Variants in ANXA8 observed in about 807,000 individuals in gnomAD.
ANXA8 encodes the protein VAC-beta.
Under a neutral mutation model 26.8 loss-of-function variants are expected in ANXA8, and 9 were observed. The observed-to-expected ratio is 0.34, with a 90% confidence interval of 0.20 to 0.59. The LOEUF (loss-of-function observed/expected upper bound fraction) is 0.59. ANXA8 is among the 20% of genes least tolerant of loss of function. ANXA8 has a pLI of 0.84. For synonymous variants in ANXA8, 39 were observed against 94.8 expected (o/e 0.41, Z 3.42); for missense variants, 83 against 238.5 (o/e 0.35, Z 4.29).
At chr10:47,563,594 A>C in the ANXA8 span, 8 of 880,742 alleles carry the variant, frequency 9.1e-6, no homozygotes, top group African/African-American at 1.2e-4. Context: ...TTTTTAAAAA[A>C]CACCACCAGG....
At chr10:47,710,136 T>C in the ANXA8 span, 1 of 575,524 alleles carries the variant, frequency 1.7e-6, no homozygotes, top group Non-Finnish European at 3.0e-6. Context: ...CTTTACAACA[T>C]AAAATACAGT....
chr10:47,559,581 G>GT, the ANXA8 span, among the ~76,000 whole-genome samples: 1 of 151,876 alleles, frequency 6.6e-6, no homozygotes, highest in Admixed American at 6.6e-5. Context: ...ATTGGAGATT[G>GT]TTTTGTCTCA....
the ANXA8 span, among the ~76,000 whole-genome samples, chr10:47,664,152 G>C: frequency 2.0e-5 from 3 of 151,524 alleles, no homozygotes; most frequent in Non-Finnish European, 4.4e-5. Flanking sequence ...CAAGGCAGCA[G>C]ATCACCTGAG....
At chr10:47,970,751 C>A in the ANXA8 span, among the ~76,000 whole-genome samples, 1 of 151,354 alleles carries the variant, frequency 6.6e-6, no homozygotes, top group African/African-American at 2.4e-5. Flanking sequence ...AACCTTTTCA[C>A]AGGCCCTGAA....
At chr10:47,639,933 A>G in the ANXA8 span, among the ~76,000 whole-genome samples, 2 of 144,996 alleles carry the variant, frequency 1.4e-5, no homozygotes, top group African/African-American at 2.6e-5. Context: ...GAGCACCACC[A>G]TGTCCACCTA....
At chr10:47,489,134 C>T (rs1482636206), upstream of ANXA8, among the ~76,000 whole-genome samples, 3 of 150,256 alleles carry the variant, frequency 2.0e-5, no homozygotes, top group Non-Finnish European at 4.4e-5. Flanking sequence ...TCTCCTGCCT[C>T]AGCCTCCCAA....
At chr10:47,967,322 T>G in the ANXA8 span, among the ~76,000 whole-genome samples, 2 of 151,010 alleles carry the variant, frequency 1.3e-5, 1 homozygote, top group African/African-American at 4.9e-5. Flanking sequence ...TGGAGAAAAT[T>G]TATCTACCTC....
chr10:47,672,343 A>G, the ANXA8 span, among the ~76,000 whole-genome samples: 1 of 151,852 alleles, frequency 6.6e-6, no homozygotes, highest in African/African-American at 2.4e-5. Flanking sequence ...TGGAAAAAGT[A>G]TATATGTTAA....
At chr10:47,595,968 C>A in the ANXA8 span, among the ~76,000 whole-genome samples, 1 of 148,638 alleles carries the variant, frequency 6.7e-6, no homozygotes, top group African/African-American at 2.6e-5. Flanking sequence ...ATATTTTTTT[C>A]TCATCTTCAC....
At chr10:47,618,047 C>T in the ANXA8 span, among the ~76,000 whole-genome samples, 8 of 110,406 alleles carry the variant, frequency 7.2e-5, 2 homozygotes, top group African/African-American at 2.8e-4. Context: ...CGGCAATTGA[C>T]TGTCTACTGT....
the ANXA8 span, among the ~76,000 whole-genome samples, chr10:47,668,976 A>G: frequency 9.2e-5 from 14 of 151,842 alleles, no homozygotes; most frequent in African/African-American, 3.2e-4. Flanking sequence ...GGAGGTCTGT[A>G]TGCCACTTCT....
the ANXA8 span, among the ~76,000 whole-genome samples, chr10:47,530,455 A>G: frequency 6.7e-6 from 1 of 148,416 alleles, no homozygotes; most frequent in Non-Finnish European, 1.5e-5. Context: ...TGGGAGGCTG[A>G]GGCGGGTGGA....
At chr10:47,939,935 TG>T in the ANXA8 span, among the ~76,000 whole-genome samples, 8 of 137,624 alleles carry the variant, frequency 5.8e-5, no homozygotes, top group Non-Finnish European at 1.1e-4. Flanking sequence ...TCCCCCTGGC[TG>T]GCCTTCCTCT....
At chr10:47,977,307 C>T in the ANXA8 span, among the ~76,000 whole-genome samples, 1 of 149,176 alleles carries the variant, frequency 6.7e-6, no homozygotes, top group African/African-American at 2.4e-5. Flanking sequence ...CAACAACAAA[C>T]AGAAGCAACA....
At chr10:47,676,998 A>G in the ANXA8 span, among the ~76,000 whole-genome samples, 43 of 140,876 alleles carry the variant, frequency 3.1e-4, no homozygotes, top group Middle Eastern at 3.5e-3. Context: ...TGAAAGAAAA[A>G]AAAAAAAAAC....
the ANXA8 span, among the ~76,000 whole-genome samples, chr10:47,504,836 C>A: frequency 9.4e-5 from 12 of 127,234 alleles, no homozygotes; most frequent in East Asian, 8.4e-4. Context: ...CCTAAGAGGT[C>A]ATAACTGTTC....
the ANXA8 span, among the ~76,000 whole-genome samples, chr10:47,553,887 G>A: frequency 6.4e-3 from 940 of 147,450 alleles, no homozygotes; most frequent in African/African-American, 0.023. Context: ...CACCGTGCCC[G>A]GGGCGAATGG....
chr10:47,676,266 A>G, the ANXA8 span, among the ~76,000 whole-genome samples: 1 of 151,914 alleles, frequency 6.6e-6, no homozygotes, highest in African/African-American at 2.4e-5. Flanking sequence ...ACATATTTGA[A>G]GAGACAATGC....
At chr10:47,683,223 ATTTTTTTT>A in the ANXA8 span, among the ~76,000 whole-genome samples, 14 of 110,628 alleles carry the variant, frequency 1.3e-4, no homozygotes, top group Non-Finnish European at 2.0e-4. Context: ...GCATTTACTA[ATTTTTTTT>A]TTTTTTTTTT....
Sources: allele counts gnomAD v4.1 joint callset (sites outside exome capture counted in the v4.1 genomes callset), GRCh38; gene constraint gnomAD v4.1.1; transcripts MANE v1.5; gene names NCBI Gene and HGNC (gene_info 2026-07-23, HGNC 2026-07-21).